The following NOS3 variants were observed in gnomAD, a reference collection of about 807,000 sequenced individuals.
The protein encoded by NOS3 is NOS type III.
NOS3 carries 98 observed loss-of-function variants against 144.9 expected under a neutral mutation model. That is an observed-to-expected ratio of 0.68 (90% CI 0.57 to 0.80). NOS3 has a LOEUF of 0.80. Among genes scored for constraint, NOS3 ranks in the 30% least tolerant of loss-of-function variants. The pLI is 0.00. For missense variants in NOS3, 1,465 were observed against 1,656.4 expected (o/e 0.88, Z 2.01); for synonymous variants, 714 against 702.4 (o/e 1.02, Z -0.26).
rs1338079412 is a variant in NOS3, at chr7:150,998,845, T to C, written c.817-101T>C. The C allele has an allele frequency of 2.0e-6, 3 of 1,506,038 alleles. No homozygotes were observed. Among genetic ancestry groups the C allele is most frequent in the Non-Finnish European group, 2.7e-6 (3 of 1,116,096 alleles). 93.3% of individuals were successfully genotyped at this position (1,506,038 alleles called of 1,614,324 possible). On this transcript the variant is annotated intron_variant, in intron 7 of 26. Transcript: ENST00000297494. The surrounding 1 kb of genome is among the most constrained non-coding windows in gnomAD (Gnocchi z 5.0). ...TGGGTGGTCACGGAGACCCAGCCAA[T>C]GAGGGACCCTGGAGATGAAGGCAGG...
At position 151,003,315 on chromosome 7, in the gene NOS3, G is replaced by A. The variant is rs1473811308; in HGVS notation, c.1752+1011G>A. 2 of 598,064 alleles carry A rather than the reference G, an allele frequency of 3.3e-6. No homozygotes were observed. The highest frequency in any genetic ancestry group is 5.5e-6 in the Non-Finnish European group (2 of 362,038). 37.0% of individuals were successfully genotyped at this position (598,064 alleles called of 1,614,324 possible). A position where few individuals can be genotyped will look rare whatever the true frequency, so the allele number is the denominator to read the frequency against. On this transcript the variant is annotated intron_variant, in intron 14 of 26. Coordinates refer to ENST00000297494, the MANE Select transcript of NOS3 (RefSeq NM_000603.5). This position sits in a 1 kb window ranked among gnomAD's most constrained non-coding sequence, Gnocchi z 4.1. ...TAATTTTTGTATTTTTTATAGAGATGGGGTTTCGCCATGTTGCCCAGGCTG... is the reference window on the plus strand; with the variant it reads ...TAATTTTTGTATTTTTTATAGAGATAGGGTTTCGCCATGTTGCCCAGGCTG...
At chr7:151,009,687 C>T (rs1369389646) in intron 20 of NOS3, 102 bp downstream of exon 20, 3 of 947,056 alleles carry the variant, frequency 3.2e-6, no homozygotes, top group African/African-American at 3.3e-5. Context: ...CAGGGGGTGG[C>T]CACCTCCTCC....
intron 23 of NOS3, chr7:151,011,920 G>A: frequency 1.1e-5 from 4 of 360,278 alleles, no homozygotes; most frequent in South Asian, 8.1e-5. Flanking sequence ...GTAGGACTGA[G>A]AACAGTTCCT....
At chr7:150,994,565 C>T (rs1266705956) in intron 2 of NOS3, among the ~76,000 whole-genome samples, 1 of 152,122 alleles carries the variant, frequency 6.6e-6, no homozygotes, top group African/African-American at 2.4e-5. Flanking sequence ...CAAGAGTCCT[C>T]CCGGGGGTAG....
chr7:150,996,338 T>A (rs911023126), intron 3 of NOS3, 66 bp from the exon 4 acceptor site: 4 of 56,440 alleles, frequency 7.1e-5, no homozygotes, highest in African/African-American at 3.6e-4. Context: ...CCCTCCTCCC[T>A]GCCCCCAACT....
At position 151,013,283 on chromosome 7, in the gene NOS3, T is replaced by C. The variant is rs1795347075; in HGVS notation, c.3159T>C (p.Leu1053=). The change falls in exon 25 of 27, where the codon CTT becomes CTC. Residue 1053 remains leucine, a synonymous_variant. Coordinates refer to ENST00000297494, the MANE Select transcript of NOS3 (RefSeq NM_000603.5). ...TLVFGCRCSQ[L]DHLYRDEVQN... ...TGTTCGGCTGCCGATGCTCCCAACT[T>C]GACCATCTCTACCGCGACGAGGTGC... is the stretch of plus-strand genomic sequence containing the variant. 2 of 1,614,008 alleles carry C rather than the reference T, an allele frequency of 1.2e-6. No individual in the cohort carries two copies. The highest frequency in any genetic ancestry group is 1.7e-6 in the Non-Finnish European group (2 of 1,179,984).
rs1802504479 is a variant in NOS3, at chr7:150,999,038, C to T, written c.909C>T (p.Phe303=). The T allele has an allele frequency of 1.2e-6, 2 of 1,612,586 alleles. No homozygotes were observed. Among genetic ancestry groups the T allele is most frequent in the Non-Finnish European group, 1.7e-6 (2 of 1,179,878 alleles). The part of the protein sequence containing the change: ...LQAPDDPPEL[F]LLPPELVLEV... ...CCCCAGATGATCCCCCAGAACTCTTCCTTCTGCCCCCCGAGCTGGTCCTTG... is the reference window on the plus strand; with the variant it reads ...CCCCAGATGATCCCCCAGAACTCTTTCTTCTGCCCCCCGAGCTGGTCCTTG... The change falls in exon 8 of 27, where the codon TTC becomes TTT. Residue 303 remains phenylalanine, a synonymous_variant. Transcript: ENST00000297494.
chr7:151,006,397 T>C, intron 14 of NOS3, 30 bp from the exon 15 acceptor site: 1 of 1,587,912 alleles, frequency 6.3e-7, no homozygotes, highest in South Asian at 1.1e-5. Flanking sequence ...GAAACAAAAC[T>C]AACCCTGATG....
intron 17 of NOS3, 72 bp from the exon 18 acceptor site, chr7:151,008,858 G>T: frequency 6.7e-7 from 1 of 1,492,100 alleles, no homozygotes; most frequent in Non-Finnish European, 8.9e-7. Flanking sequence ...ACGCAGTGAA[G>T]CCGCCCAGGC....
chr7:151,012,634 A>C lies in NOS3; in HGVS notation c.3106+162A>C. The C allele has an allele frequency of 3.7e-6, 3 of 800,652 alleles. No homozygotes were observed. The East Asian group carries it at 8.2e-5, about 22-fold the overall frequency. 49.6% of individuals were successfully genotyped at this position (800,652 alleles called of 1,614,324 possible). A position where few individuals can be genotyped will look rare whatever the true frequency, so the allele number is the denominator to read the frequency against. Reference sequence around the variant, plus strand: ...AAGGGGAGGGCAGGTACCAAAGGCAAGGGCTGGGCCCTGAGCTTCTGGCTT... The same window carrying C: ...AAGGGGAGGGCAGGTACCAAAGGCACGGGCTGGGCCCTGAGCTTCTGGCTT... On this transcript the variant is annotated intron_variant, in intron 24 of 26. Transcript: ENST00000297494.
Position 151,008,922 on chromosome 7 carries a change from T to C in NOS3, c.2113-8T>C, listed in dbSNP as rs768320782. 1.2e-6 allele frequency: 2 copies of C among 1,605,322 alleles called. No individual in the cohort carries two copies. On this transcript the variant is annotated splice_polypyrimidine_tract_variant and splice_region_variant and intron_variant, in intron 17 of 26. Transcript: ENST00000297494. The stretch of plus-strand genomic sequence containing the variant: ...GAGGTCCTCAGCCCTCACCGGCCTG[T>C]CCCGCAGGCCGCCTGTGAGACCTTC...
chr7:150,997,874 A>T (rs983968841), intron 5 of NOS3, among the ~76,000 whole-genome samples: 1 of 152,114 alleles, frequency 6.6e-6, no homozygotes, highest in Non-Finnish European at 1.5e-5. Flanking sequence ...GGGACCTCCC[A>T]GCCTCCTCCT....
chr7:150,991,825 G>T (rs1413501630), intron 1 of NOS3, among the ~76,000 whole-genome samples: 1 of 152,110 alleles, frequency 6.6e-6, no homozygotes, highest in Non-Finnish European at 1.5e-5. Context: ...GTGAAACCCT[G>T]TCTCTAATAA....
chr7:150,992,443 C>T, intron 1 of NOS3, among the ~76,000 whole-genome samples: 1 of 152,176 alleles, frequency 6.6e-6, no homozygotes, highest in South Asian at 2.1e-4. Context: ...AAAGCCCAGG[C>T]TGAATGCCGC....
chr7:151,000,240 C>G (rs544882104), intron 9 of NOS3, among the ~76,000 whole-genome samples: 6 of 151,884 alleles, frequency 4.0e-5, no homozygotes, highest in Non-Finnish European at 8.8e-5. Flanking sequence ...GGGACCTTGA[C>G]TCGGCAAAGG....
intron 23 of NOS3, chr7:151,011,783 C>A: frequency 2.4e-6 from 1 of 416,586 alleles, no homozygotes; most frequent in Non-Finnish European, 4.8e-6. Flanking sequence ...CTCCGCCTCC[C>A]AAAGTCTTGG....
At chr7:151,005,819 G>C (rs577125918) in intron 14 of NOS3, among the ~76,000 whole-genome samples, 2 of 152,314 alleles carry the variant, frequency 1.3e-5, no homozygotes, top group East Asian at 3.9e-4. Context: ...CTTGAGCCCA[G>C]GAGTTCAAGG....
chr7:150,993,552 TATC>T lies in NOS3; in HGVS notation c.-51-199_-51-197del, dbSNP rs1465156507. Among the ~76,000 whole-genome samples, 1 of 151,938 alleles carries T rather than the reference TATC, an allele frequency of 6.6e-6. No homozygotes were observed. The highest frequency in any genetic ancestry group is 2.4e-5 in the African/African-American group (1 of 41,356). ...TCTGCTGGACACCTGGGCTCCCACT[TATC>T]AGCCTCAGTCCTCACAGCGGAACCC... On this transcript the variant is annotated intron_variant, in intron 1 of 26. Transcript: ENST00000297494. The surrounding 1 kb of genome is among the most constrained non-coding windows in gnomAD (Gnocchi z 4.0).
rs1009997008 is a variant in NOS3, at chr7:150,993,293, G to A, written c.-51-460G>A. Among the ~76,000 whole-genome samples, 2 of 152,200 alleles carry A rather than the reference G, an allele frequency of 1.3e-5. No individual in the cohort carries two copies. The highest frequency in any genetic ancestry group is 4.8e-5 in the African/African-American group (2 of 41,440). On this transcript the variant is annotated intron_variant, in intron 1 of 26. Transcript: ENST00000297494. This position sits in a 1 kb window ranked among gnomAD's most constrained non-coding sequence, Gnocchi z 4.0. ...TCTTGTATGTATGGGGGGAGGTGAA[G>A]GAGAGAACCTGCATGACCCTAGAGG...
Sources: gnomAD v4.1 joint callset for allele counts (sites outside exome capture counted in the v4.1 genomes callset) on GRCh38, gnomAD v4.1.1 for gene constraint, Gnocchi (gnomAD v3.1) non-coding constraint, MANE v1.5 for transcripts, NCBI Gene and HGNC (gene_info 2026-07-23, HGNC 2026-07-21) for gene names.